Variants in DYSF observed in about 807,000 individuals in gnomAD.
DYSF encodes the protein dystrophy-associated fer-1-like 1.
In DYSF, 212 loss-of-function variants were observed where a neutral mutation model predicts 274.9. The ratio of observed to expected loss-of-function variants is 0.77; its 90% CI spans 0.69 to 0.86. The LOEUF (loss-of-function observed/expected upper bound fraction) is 0.86, where lower values mean the gene tolerates loss of function less well. Ranked by LOEUF, DYSF falls within the 40% of genes least tolerant of loss-of-function variation. The pLI, the probability that DYSF is intolerant of heterozygous loss-of-function variation, is 0.00. For synonymous variants in DYSF, 1,091 were observed against 1,078.7 expected (o/e 1.01, Z -0.22); for missense variants, 2,666 against 2,783.2 (o/e 0.96, Z 0.95).
At chr2:71,527,667 TTAGC>T (rs1559082906) in intron 13 of DYSF, among the ~76,000 whole-genome samples, 2 of 152,234 alleles carry the variant, frequency 1.3e-5, no homozygotes, top group Non-Finnish European at 2.9e-5. Context: ...CATGTAGTTA[TTAGC>T]TAGCGTATAA....
At chr2:71,521,160 G>T (rs2087228022) in intron 12 of DYSF, among the ~76,000 whole-genome samples, 1 of 152,060 alleles carries the variant, frequency 6.6e-6, no homozygotes, top group African/African-American at 2.4e-5. Context: ...CATCCCTCTG[G>T]AAGGATATAT....
At chr2:71,603,230 A>T (rs1343911649) in intron 36 of DYSF, among the ~76,000 whole-genome samples, 1 of 152,196 alleles carries the variant, frequency 6.6e-6, no homozygotes, top group African/African-American at 2.4e-5. Context: ...CTTTGGCTCA[A>T]AAGGCCAAGG....
Position 71,507,950 on chromosome 2 carries a change from A to G in DYSF, c.346-3857A>G, listed in dbSNP as rs1315104320. Among the ~76,000 whole-genome samples the G allele has an allele frequency of 4.6e-5, 7 of 152,158 alleles. No individual in the cohort carries two copies. The East Asian group carries it at 1.3e-3, about 29-fold the overall frequency. On this transcript the variant is annotated intron_variant, in intron 4 of 55. Coordinates refer to ENST00000410020, the MANE Select transcript of DYSF (RefSeq NM_001130987.2). ...GACTACAAGCATGGCTACCACGCCC[A>G]ACTAGTTTTTGATTTTGGAATAAGG...
At chr2:71,609,683 G>A (rs1161554553) in intron 36 of DYSF, among the ~76,000 whole-genome samples, 1 of 152,178 alleles carries the variant, frequency 6.6e-6, no homozygotes, top group Non-Finnish European at 1.5e-5. Context: ...CTAGAGTTGA[G>A]GTCTGATTCT....
intron 17 of DYSF, among the ~76,000 whole-genome samples, chr2:71,543,911 A>G (rs1314605380): frequency 1.6e-5 from 2 of 122,426 alleles, no homozygotes; most frequent in African/African-American, 6.5e-5. Flanking sequence ...CCGTGGGGAG[A>G]GGGGGAGGGA....
rs1013410289 is a variant in DYSF, at chr2:71,513,327, C to T, written c.548C>T (p.Pro183Leu). The T allele has an allele frequency of 1.3e-6, 2 of 1,551,638 alleles. No individual in the cohort carries two copies. The highest frequency in any genetic ancestry group is 1.2e-5 in the South Asian group (1 of 84,054). The change falls in exon 6 of 56, where the codon CCC (proline) becomes CTC (leucine). Residue 183 changes from proline to leucine, a missense_variant. Coordinates refer to ENST00000410020, the MANE Select transcript of DYSF (RefSeq NM_001130987.2). ...TRYSGKKWPA[P>L]TDTGGEEDTE... ...TACTCTGGAAAGAAGTGGCCGGCCC[C>T]CACGGGTGAGACACGGGCCAGGACT...
Position 71,600,982 on chromosome 2 carries a change from C to T in DYSF, c.3897+140C>T, listed in dbSNP as rs1003343736. 46 of 1,084,200 alleles carry T rather than the reference C, an allele frequency of 4.2e-5. No homozygotes were observed. The African/African-American group carries it at 7.2e-4, about 17-fold the overall frequency. 67.2% of individuals were successfully genotyped at this position (1,084,200 alleles called of 1,614,324 possible). On this transcript the variant is annotated intron_variant, in intron 34 of 55. Transcript: ENST00000410020. Reference sequence around the variant, plus strand: ...TTTTCTGAACCCTAAGTCAGGACACCATCTAACATCGGAATAGAATTTGGG... The same window carrying T: ...TTTTCTGAACCCTAAGTCAGGACACTATCTAACATCGGAATAGAATTTGGG...
At chr2:71,644,839 A>G (rs1392515897) in intron 42 of DYSF, among the ~76,000 whole-genome samples, 1 of 152,252 alleles carries the variant, frequency 6.6e-6, no homozygotes, top group African/African-American at 2.4e-5. Context: ...CAGATGAACA[A>G]TGAATAGTTT....
chr2:71,455,524 C>T (rs1558907439), intron 1 of DYSF, among the ~76,000 whole-genome samples: 1 of 152,222 alleles, frequency 6.6e-6, no homozygotes, highest in African/African-American at 2.4e-5. Context: ...ACATGGGAGT[C>T]TTTCATGCTT....
intron 49 of DYSF, 27 bp downstream of exon 49, chr2:71,668,869 G>C (rs1309612971): frequency 3.7e-6 from 6 of 1,607,832 alleles, no homozygotes; most frequent in East Asian, 2.2e-5. Context: ...CAGGCTCTGA[G>C]CTGGGCTGAG....
intron 38 of DYSF, among the ~76,000 whole-genome samples, chr2:71,612,347 C>T (rs1300233368): frequency 1.3e-5 from 2 of 152,272 alleles, no homozygotes; most frequent in East Asian, 3.9e-4. Flanking sequence ...CAACTCCCCT[C>T]GCCCGCTCCC....
At chr2:71,667,301 GC>G (rs2095032042) in intron 47 of DYSF, 74 bp from the exon 48 acceptor site, 9 of 1,607,938 alleles carry the variant, frequency 5.6e-6, no homozygotes, top group Non-Finnish European at 6.0e-6. Flanking sequence ...GCCCTGCTCA[GC>G]CTGTTCACTG....
chr2:71,506,996 A>G (rs953104955), intron 4 of DYSF, among the ~76,000 whole-genome samples: 1 of 152,038 alleles, frequency 6.6e-6, no homozygotes, highest in African/African-American at 2.4e-5. Context: ...GTCGGTGTAG[A>G]AACACCGGAT....
chr2:71,675,098 T>C lies in DYSF; in HGVS notation c.5884+802T>C, dbSNP rs143387134. Among the ~76,000 whole-genome samples the C allele has an allele frequency of 4.9e-3, 747 of 151,540 alleles. 5 individuals are homozygous for C. Among genetic ancestry groups the C allele is most frequent in the African/African-American group, 0.017 (714 of 41,298 alleles). ...CTTCATGTATATGAAATGTCCATAA[T>C]AGGCAAATCCATAGAGACGGAAAAT... On this transcript the variant is annotated intron_variant, in intron 52 of 55. Transcript: ENST00000410020.
At position 71,570,215 on chromosome 2, in the gene DYSF, G is replaced by T; in HGVS notation, c.2980-14G>T. ...GTCTCCTCTCATTGCTTGCCTGTTC[G>T]GTTTTGTCCTTAGAACGGGGAGAAG... On this transcript the variant is annotated splice_polypyrimidine_tract_variant and intron_variant, in intron 27 of 55. Coordinates refer to ENST00000410020, the MANE Select transcript of DYSF (RefSeq NM_001130987.2). 6.2e-7 allele frequency: 1 copy of T among 1,611,840 alleles called. No homozygotes were observed. Among genetic ancestry groups the T allele is most frequent in the South Asian group, 1.1e-5 (1 of 91,022 alleles).
At chr2:71,483,441 C>T (rs1038902275) in intron 3 of DYSF, among the ~76,000 whole-genome samples, 1 of 152,104 alleles carries the variant, frequency 6.6e-6, no homozygotes, top group African/African-American at 2.4e-5. Context: ...GACTTGAAGG[C>T]AGGGGTAGGC....
At chr2:71,653,665 T>TG (rs1572978181) in intron 42 of DYSF, among the ~76,000 whole-genome samples, 1 of 64,878 alleles carries the variant, frequency 1.5e-5, no homozygotes, top group Non-Finnish European at 2.7e-5. Context: ...TGTTGTGGGG[T>TG]GGGGGGAGGG....
At chr2:71,589,072 C>T (rs1397397757) in intron 30 of DYSF, among the ~76,000 whole-genome samples, 1 of 152,190 alleles carries the variant, frequency 6.6e-6, no homozygotes, top group Non-Finnish European at 1.5e-5. Flanking sequence ...CTGTCCCCAC[C>T]TCTGTCCTCA....
In DYSF at chr2:71,587,016, C is replaced by T. The variant is rs114795386; in HGVS notation, c.3403-2577C>T. 8.5e-3 allele frequency among the ~76,000 whole-genome samples: 1,300 copies of T among 152,348 alleles called. 25 individuals carry two copies. The highest frequency in any genetic ancestry group is 0.03 in the African/African-American group (1,240 of 41,582). On this transcript the variant is annotated intron_variant, in intron 30 of 55. Coordinates refer to ENST00000410020, the MANE Select transcript of DYSF (RefSeq NM_001130987.2). ...GGTGCTGAGATGCAGGCATCACGCA[C>T]TGTTGCACCTGCGGGCTGGCCAAGC... is the stretch of plus-strand genomic sequence containing the variant.
Sources: allele counts gnomAD v4.1 joint callset (sites outside exome capture counted in the v4.1 genomes callset), GRCh38; gene constraint gnomAD v4.1.1; transcripts MANE v1.5; gene names NCBI Gene and HGNC (gene_info 2026-07-23, HGNC 2026-07-21).